Variants in GALNT13 observed in about 807,000 individuals in gnomAD.
GALNT13 encodes the protein UDP-GalNAc:polypeptide N-acetylgalactosaminyltransferase 13.
Under a neutral mutation model 64.2 loss-of-function variants are expected in GALNT13, and 28 were observed. That is an observed-to-expected ratio of 0.44 (90% CI 0.32 to 0.60). The LOEUF (loss-of-function observed/expected upper bound fraction) is 0.60. GALNT13 is among the 20% of genes least tolerant of loss of function. GALNT13 has a pLI of 0.05. For missense variants in GALNT13, 577 were observed against 669.8 expected (o/e 0.86, Z 1.53); for synonymous variants, 214 against 224.6 (o/e 0.95, Z 0.42).
At chr2:153,631,426 A>G in the GALNT13 span, among the ~76,000 whole-genome samples, 1 of 152,200 alleles carries the variant, frequency 6.6e-6, no homozygotes, top group Non-Finnish European at 1.5e-5. Context: ...CAGTCCTATC[A>G]ACAGTGTAAA....
intron 3 of GALNT13, among the ~76,000 whole-genome samples, chr2:154,105,990 C>G (rs1702593717): frequency 6.6e-6 from 1 of 152,084 alleles, no homozygotes; most frequent in Non-Finnish European, 1.5e-5. Flanking sequence ...CTAAGAGAAA[C>G]TAAAGAGACT....
At chr2:154,353,275 A>T (rs1392010510) in intron 9 of GALNT13, among the ~76,000 whole-genome samples, 1 of 152,158 alleles carries the variant, frequency 6.6e-6, no homozygotes, top group Non-Finnish European at 1.5e-5. Flanking sequence ...CTGCCTTGTT[A>T]CAACTTTAAA....
chr2:153,152,965 G>A, the GALNT13 span, among the ~76,000 whole-genome samples: 12 of 151,872 alleles, frequency 7.9e-5, no homozygotes, highest in Non-Finnish European at 1.6e-4. Flanking sequence ...CTATCTTCAG[G>A]TTTTTGAGGA....
chr2:154,420,564 T>C (rs1207639280), intron 11 of GALNT13, among the ~76,000 whole-genome samples: 1 of 152,152 alleles, frequency 6.6e-6, no homozygotes, highest in East Asian at 1.9e-4. Context: ...CATTTTATCA[T>C]ATTTAATACT....
the GALNT13 span, among the ~76,000 whole-genome samples, chr2:153,685,372 A>T: frequency 6.6e-6 from 1 of 152,010 alleles, no homozygotes; most frequent in East Asian, 1.9e-4. Context: ...GTAGTGTGAG[A>T]TGATATCTCA....
At chr2:153,330,520 G>T in the GALNT13 span, among the ~76,000 whole-genome samples, 1 of 151,770 alleles carries the variant, frequency 6.6e-6, no homozygotes, top group Non-Finnish European at 1.5e-5. Context: ...TTTATTTTTT[G>T]TGTGTCTGTT....
chr2:154,377,176 T>C (rs9288336), intron 9 of GALNT13, among the ~76,000 whole-genome samples: 55,040 of 152,028 alleles, frequency 0.36, 11,573 homozygotes, highest in Admixed American at 0.49. Flanking sequence ...TTGGTAAGTA[T>C]ATACAACAAA....
chr2:154,301,135 G>A (rs1240132727), intron 8 of GALNT13, among the ~76,000 whole-genome samples: 2 of 152,068 alleles, frequency 1.3e-5, no homozygotes, highest in Admixed American at 6.5e-5. Context: ...TAGCAATTAG[G>A]TTAACTACTA....
At chr2:153,437,960 G>A in the GALNT13 span, among the ~76,000 whole-genome samples, 1 of 152,198 alleles carries the variant, frequency 6.6e-6, no homozygotes, top group Non-Finnish European at 1.5e-5. Flanking sequence ...GCAGTGGCTG[G>A]TAGCGGTTGT....
chr2:154,228,184 A>G (rs1161028967), intron 4 of GALNT13, among the ~76,000 whole-genome samples: 2 of 152,102 alleles, frequency 1.3e-5, no homozygotes, highest in Admixed American at 1.3e-4. Context: ...CCCATTAAAA[A>G]TCAGTCAGAT....
the GALNT13 span, among the ~76,000 whole-genome samples, chr2:153,097,114 C>T: frequency 0.055 from 8,378 of 152,144 alleles, 419 homozygotes; most frequent in African/African-American, 0.14. Flanking sequence ...TATAACAAAA[C>T]TGTTTGGATA....
At chr2:153,100,603 G>A in the GALNT13 span, among the ~76,000 whole-genome samples, 2 of 152,154 alleles carry the variant, frequency 1.3e-5, no homozygotes, top group African/African-American at 2.4e-5. Context: ...GGAAATAAGA[G>A]TCTCTTCTTT....
At chr2:153,434,972 G>T in the GALNT13 span, among the ~76,000 whole-genome samples, 20 of 152,230 alleles carry the variant, frequency 1.3e-4, no homozygotes, top group African/African-American at 4.1e-4. Flanking sequence ...GGTCTAACCT[G>T]TAAGTCTTTA....
intron 3 of GALNT13, among the ~76,000 whole-genome samples, chr2:154,115,924 G>A (rs764882823): frequency 5.9e-5 from 9 of 152,054 alleles, no homozygotes; most frequent in Non-Finnish European, 8.8e-5. Context: ...TTCAAGTGTA[G>A]CATACCTCCT....
At chr2:153,665,439 T>C in the GALNT13 span, among the ~76,000 whole-genome samples, 5 of 152,178 alleles carry the variant, frequency 3.3e-5, no homozygotes, top group Non-Finnish European at 7.3e-5. Flanking sequence ...TTATTCCTTA[T>C]TGTCTATTAA....
intron 3 of GALNT13, among the ~76,000 whole-genome samples, chr2:154,026,021 C>T (rs1253183598): frequency 6.6e-6 from 1 of 152,022 alleles, no homozygotes; most frequent in Non-Finnish European, 1.5e-5. Flanking sequence ...TATCACTGAA[C>T]ATTGCAAATG....
chr2:153,272,913 A>G, the GALNT13 span, among the ~76,000 whole-genome samples: 1 of 152,252 alleles, frequency 6.6e-6, no homozygotes, highest in Admixed American at 6.5e-5. Context: ...TGGCACATAT[A>G]CACCATGGAA....
At chr2:153,703,014 G>C in the GALNT13 span, among the ~76,000 whole-genome samples, 1 of 152,102 alleles carries the variant, frequency 6.6e-6, no homozygotes, top group Non-Finnish European at 1.5e-5. Flanking sequence ...AAAAGCAAGG[G>C]AAGTGGGGTC....
intron 9 of GALNT13, among the ~76,000 whole-genome samples, chr2:154,327,257 A>C (rs1440333776): frequency 6.6e-6 from 1 of 152,014 alleles, no homozygotes; most frequent in Non-Finnish European, 1.5e-5. Context: ...CATGGTTGAA[A>C]GTTTCCTGAG....
Sources: allele counts gnomAD v4.1 joint callset (sites outside exome capture counted in the v4.1 genomes callset), GRCh38; gene constraint gnomAD v4.1.1; transcripts MANE v1.5; gene names NCBI Gene and HGNC (gene_info 2026-07-23, HGNC 2026-07-21).